ATRAID: variants seen among roughly 807,000 people sequenced by gnomAD.
ATRAID encodes all-trans retinoic acid induced differentiation factor.
A neutral mutation model predicts 28.8 loss-of-function variants in ATRAID; 26 were observed. The ratio of observed to expected loss-of-function variants is 0.90; its 90% CI spans 0.66 to 1.25. The LOEUF (loss-of-function observed/expected upper bound fraction) is 1.25, where lower values mean the gene tolerates loss of function less well. ATRAID is among the 50% of genes most tolerant of loss of function. The pLI is 0.00. For synonymous variants in ATRAID, 131 were observed against 108.5 expected, an observed-to-expected ratio of 1.21 and a Z score of -1.29; for missense variants, 308 against 285.9, an observed-to-expected ratio of 1.08 and a Z score of -0.56.
At chr2:27,213,085 G>C in intron 1 of ATRAID, 92 bp from the exon 2 acceptor site, 2 of 1,507,234 alleles carry the variant, frequency 1.3e-6, no homozygotes, top group Non-Finnish European at 1.8e-6. Context: ...GAGGAATTCT[G>C]GAAACGTGTA....
At chr2:27,212,647 GC>G in intron 1 of ATRAID, 180 bp downstream of exon 1, 2 of 1,398,736 alleles carry the variant, frequency 1.4e-6, no homozygotes, top group Middle Eastern at 2.6e-4. Flanking sequence ...GGCCTTCGGC[GC>G]CCCAGTCCTG....
At chr2:27,212,509 G>A (rs1674621035) in intron 1 of ATRAID, 42 bp downstream of exon 1, 2 of 1,523,414 alleles carry the variant, frequency 1.3e-6, no homozygotes, top group South Asian at 1.2e-5. Flanking sequence ...CAGGGTCGCT[G>A]GCCAGCCGTG....
rs1674879475 is a variant in ATRAID, at chr2:27,217,072, G to T, written c.*124G>T. On this transcript the variant is annotated 3_prime_UTR_variant, in exon 7 of 7. Coordinates refer to ENST00000380171, the MANE Select transcript of ATRAID (RefSeq NM_001170795.4). Reference sequence around the variant, plus strand: ...CGCCTCAAGGTTGAGGCCGCCATTGGAAGATGAAAAATTGCACTCCCTTGG... The same window carrying T: ...CGCCTCAAGGTTGAGGCCGCCATTGTAAGATGAAAAATTGCACTCCCTTGG... 4 of 793,796 alleles carry T rather than the reference G, an allele frequency of 5.0e-6. No homozygotes were observed. The highest frequency in any genetic ancestry group is 3.9e-6 in the Non-Finnish European group (2 of 510,752). 49.2% of individuals were successfully genotyped at this position (793,796 alleles called of 1,614,324 possible).
In ATRAID at chr2:27,215,497, A is replaced by G; in HGVS notation, c.317A>G (p.Lys106Arg). 6.2e-7 allele frequency: 1 copy of G among 1,614,202 alleles called. No homozygotes were observed. The highest frequency in any genetic ancestry group is 8.5e-7 in the Non-Finnish European group (1 of 1,180,032). Residue 106 changes from lysine (K) to arginine (R), a missense_variant, in exon 4 of 7, where the codon AAA becomes AGA. Lys to Arg is a conservative substitution (Grantham distance 26, BLOSUM62 2). Coordinates refer to ENST00000380171, the MANE Select transcript of ATRAID (RefSeq NM_001170795.4). The part of the protein sequence containing the change: ...VIIDLQANPL[K>R]GDLANTFRGF... ...AGAGACCTGCAAGCAAACCCCCTCAAAGGTGACTTGGCCAACACCTTCCGT... is the reference window on the plus strand; with the variant it reads ...AGAGACCTGCAAGCAAACCCCCTCAGAGGTGACTTGGCCAACACCTTCCGT...
chr2:27,213,208 AT>A lies in ATRAID; in HGVS notation c.134del (p.Leu45CysfsTer14). On this transcript the variant is annotated frameshift_variant, in exon 2 of 7. Transcript: ENST00000380171. LOFTEE classifies it high-confidence loss of function. ...ICTQCPGSVQ[N>X]LSKVAFYCKT... is the part of the protein sequence containing the mutation. ...ACCCAATGTCCAGGGAGCGTGCAAA[AT>A]TTGTCAAAAGTGGCCTTTTATTGTA... 6.2e-7 allele frequency: 1 copy of A among 1,614,070 alleles called. No homozygotes were observed. Among genetic ancestry groups the A allele is most frequent in the South Asian group, 1.1e-5 (1 of 91,070 alleles).
Position 27,212,200 on chromosome 2 carries a change from G to T in ATRAID, c.-169G>T. The stretch of plus-strand genomic sequence containing the variant: ...CCAGTATCCCCGAAAGAGGGCTAGG[G>T]CGCATGAAGACCAGCGCAGAGCTCC... On this transcript the variant is annotated 5_prime_UTR_variant, in exon 1 of 7. Transcript: ENST00000380171. 2 of 1,553,908 alleles carry T rather than the reference G, an allele frequency of 1.3e-6. No homozygotes were observed. The highest frequency in any genetic ancestry group is 1.7e-6 in the Non-Finnish European group (2 of 1,149,298).
At chr2:27,213,822 G>C (rs769758464) in intron 2 of ATRAID, among the ~76,000 whole-genome samples, 8 of 152,156 alleles carry the variant, frequency 5.3e-5, no homozygotes, top group Non-Finnish European at 1.2e-4. Flanking sequence ...CTTTGTTCAG[G>C]CCTCTCTCCA....
chr2:27,213,526 T>A, intron 2 of ATRAID: 1 of 395,900 alleles, frequency 2.5e-6, no homozygotes, highest in East Asian at 4.0e-5. Flanking sequence ...GAGTGCACCC[T>A]AACTTCAAAC....
intron 1 of ATRAID, 75 bp downstream of exon 1, chr2:27,212,542 C>G: frequency 6.7e-7 from 1 of 1,500,196 alleles, no homozygotes; most frequent in Non-Finnish European, 8.9e-7. Context: ...CAGCGGCTCC[C>G]CCTTCTCCTC....
Position 27,216,972 on chromosome 2 carries a change from C to T in ATRAID, c.*24C>T. On this transcript the variant is annotated 3_prime_UTR_variant, in exon 7 of 7. Transcript: ENST00000380171. ...GAACTACATAGGTCTTACCATTGACCTAAGATCAATCTGAACTATCTTAGC... is the reference window on the plus strand; with the variant it reads ...GAACTACATAGGTCTTACCATTGACTTAAGATCAATCTGAACTATCTTAGC... 3 of 1,568,938 alleles carry T rather than the reference C, an allele frequency of 1.9e-6. No homozygotes were observed. Among genetic ancestry groups the T allele is most frequent in the Middle Eastern group, 3.4e-4 (2 of 5,810 alleles).
chr2:27,212,407 G>C lies in ATRAID; in HGVS notation c.39G>C (p.Val13=). 1 of 1,552,122 alleles carries C rather than the reference G, an allele frequency of 6.4e-7. No homozygotes were observed. ...ACCCGGGTAGTCTTACGACCCTGGT[G>C]CCCTGGGCTGCCGCCCTGCTCCTCG... ...PHDPGSLTTL[V]PWAAALLLAL... is the part of the protein sequence containing the mutation. The change falls in exon 1 of 7, where the codon GTG becomes GTC. Residue 13 remains valine (V), a synonymous_variant. Transcript: ENST00000380171.
intron 6 of ATRAID, 60 bp from the exon 7 acceptor site, chr2:27,216,784 T>C: frequency 6.7e-7 from 1 of 1,502,696 alleles, no homozygotes; most frequent in Non-Finnish European, 9.2e-7. Flanking sequence ...GAACTAGGTG[T>C]TAGGATGTGG....
At chr2:27,216,318 A>G (rs1674829170) in intron 5 of ATRAID, 1 of 564,420 alleles carries the variant, frequency 1.8e-6, no homozygotes, top group Admixed American at 3.2e-5. Context: ...GACCATCTGG[A>G]TGTATACGTG....
rs940397534 is a variant in ATRAID at position 27,216,331 on chromosome 2, G to T, written c.488-192G>T. The T allele has an allele frequency of 5.1e-6, 3 of 589,050 alleles. No homozygotes were observed. In the African/African-American group the frequency reaches 5.6e-5, roughly 11 times the overall value. 36.5% of individuals were successfully genotyped at this position (589,050 alleles called of 1,614,324 possible). A position where few individuals can be genotyped will look rare whatever the true frequency, so the allele number is the denominator to read the frequency against. On this transcript the variant is annotated intron_variant, in intron 5 of 6. Transcript: ENST00000380171. ...CAGACCATCTGGATGTATACGTGCA[G>T]GTCACAGGGGATATGATAGCTTAGC...
In ATRAID at chr2:27,216,604, ACAAGTGTATG is replaced by A. The variant is rs1674846593; in HGVS notation, c.571_580del (p.Lys191AlafsTer44). On this transcript the variant is annotated frameshift_variant, in exon 6 of 7. Transcript: ENST00000380171. LOFTEE classifies it high-confidence loss of function. ...GTTTGTGCTGATGGTTTCCATGGAT[ACAAGTGTATG>A]CGCCAGGTGAGGAATTAGGCCGTCT... 6.8e-6 allele frequency: 11 copies of A among 1,613,838 alleles called. No homozygotes were observed. Among genetic ancestry groups the A allele is most frequent in the African/African-American group, 1.3e-5 (1 of 74,920 alleles).
chr2:27,217,036 G>A lies in ATRAID; in HGVS notation c.*88G>A, dbSNP rs1462637439. Reference sequence around the variant, plus strand: ...TCTGCTTCCTAGAAAGGCATCTTTCGCCAGTGGATTCGCCTCAAGGTTGAG... The same window carrying A: ...TCTGCTTCCTAGAAAGGCATCTTTCACCAGTGGATTCGCCTCAAGGTTGAG... On this transcript the variant is annotated 3_prime_UTR_variant, in exon 7 of 7. Transcript: ENST00000380171. 2.5e-6 allele frequency: 3 copies of A among 1,211,646 alleles called. No homozygotes were observed. The highest frequency in any genetic ancestry group is 2.4e-5 in the East Asian group (1 of 42,294). The allele number at this position is 1,211,646 out of a possible 1,614,324, so 75.1% of individuals were successfully genotyped here.
intron 5 of ATRAID, 36 bp from the exon 6 acceptor site, chr2:27,216,487 A>T (rs1674837945): frequency 6.8e-7 from 1 of 1,461,836 alleles, no homozygotes; most frequent in East Asian, 2.3e-5. Flanking sequence ...AATGAAATGG[A>T]TAAAGTGATG....
chr2:27,215,519 C>T lies in ATRAID; in HGVS notation c.339C>T (p.Phe113=), dbSNP rs1398203916. The change falls in exon 4 of 7, where the codon TTC becomes TTT. Residue 113 remains phenylalanine, a synonymous_variant. Coordinates refer to ENST00000380171, the MANE Select transcript of ATRAID (RefSeq NM_001170795.4). ...NPLKGDLANT[F]RGFTQLQTLI... is the part of the protein sequence containing the mutation. Reference sequence around the variant, plus strand: ...TCAAAGGTGACTTGGCCAACACCTTCCGTGGCTTTACTCAGCTCCAGACTC... The same window carrying T: ...TCAAAGGTGACTTGGCCAACACCTTTCGTGGCTTTACTCAGCTCCAGACTC... 8 of 1,614,118 alleles carry T rather than the reference C, an allele frequency of 5.0e-6. No individual in the cohort carries two copies. The Admixed American group carries it at 1.3e-4, about 27-fold the overall frequency.
Position 27,213,259 on chromosome 2 carries a change from A to T in ATRAID, c.182A>T (p.His61Leu), listed in dbSNP as rs1169378093. 6.2e-7 allele frequency: 1 copy of T among 1,614,220 alleles called. No individual in the cohort carries two copies. Among genetic ancestry groups the T allele is most frequent in the Admixed American group, 1.7e-5 (1 of 60,022 alleles). Residue 61 changes from histidine (H) to leucine (L), a missense_variant, in exon 2 of 7, where the codon CAT (histidine) becomes CTT (leucine). Coordinates refer to ENST00000380171, the MANE Select transcript of ATRAID (RefSeq NM_001170795.4). The part of the protein sequence containing the change: ...YCKTTRELML[H>L]ARCCLNQKGT... The stretch of plus-strand genomic sequence containing the variant: ...AAAACGACACGAGAGCTAATGCTGC[A>T]TGCCCGTTGCTGCCTGAATCAGAAG...
Sources: gnomAD v4.1 joint callset for allele counts (sites outside exome capture counted in the v4.1 genomes callset) on GRCh38, gnomAD v4.1.1 for gene constraint, MANE v1.5 for transcripts, NCBI Gene and HGNC (gene_info 2026-07-23, HGNC 2026-07-21) for gene names.